Variants in FAT3 observed in about 807,000 individuals in gnomAD.
FAT3 encodes the protein FAT atypical cadherin 3, also known as protocadherin Fat 3.
A neutral mutation model predicts 310.2 loss-of-function variants in FAT3; 95 were observed. The ratio of observed to expected loss-of-function variants is 0.31; its 90% CI spans 0.26 to 0.36. FAT3 has a LOEUF of 0.36. Ranked by LOEUF, FAT3 falls within the 10% of genes least tolerant of loss-of-function variation. FAT3 has a pLI of 1.00. For synonymous variants in FAT3, 2,314 were observed against 2,192.9 expected (o/e 1.06, Z -1.54); for missense variants, 5,408 against 5,715.6 (o/e 0.95, Z 1.74).
intron 2 of FAT3, among the ~76,000 whole-genome samples, chr11:92,468,743 G>A (rs1951836611): frequency 6.6e-6 from 1 of 152,092 alleles, no homozygotes; most frequent in African/African-American, 2.4e-5. Context: ...GAGTGAAGGG[G>A]TGGGGAAACT....
intron 19 of FAT3, among the ~76,000 whole-genome samples, chr11:92,853,140 G>A (rs996320251): frequency 6.6e-6 from 1 of 152,226 alleles, no homozygotes; most frequent in Non-Finnish European, 1.5e-5. Flanking sequence ...AGTGAGGGGT[G>A]TGTGGGCCAC....
chr11:92,492,584 T>C (rs1591363181), intron 2 of FAT3, among the ~76,000 whole-genome samples: 1 of 152,028 alleles, frequency 6.6e-6, no homozygotes, highest in Admixed American at 6.6e-5. Flanking sequence ...CACTTTAATC[T>C]ATGGTTTGGA....
Position 92,524,135 on chromosome 11 carries a change from A to T in FAT3, c.3293-499A>T, listed in dbSNP as rs548650313. Among the ~76,000 whole-genome samples, 7 of 152,336 alleles carry T rather than the reference A, an allele frequency of 4.6e-5. No individual in the cohort carries two copies. In the South Asian group the frequency reaches 1.4e-3, roughly 32 times the overall value. The stretch of plus-strand genomic sequence containing the variant: ...AATATTTTCCACTCTAACAGGCAAA[A>T]AAAGAATATTTGAAAGGTTTTTCTT... On this transcript the variant is annotated intron_variant, in intron 2 of 27. Transcript: ENST00000525166.
At chr11:92,795,192 A>G (rs1360884704) in intron 9 of FAT3, among the ~76,000 whole-genome samples, 1 of 152,118 alleles carries the variant, frequency 6.6e-6, no homozygotes, top group Admixed American at 6.5e-5. Flanking sequence ...GGATTGTACA[A>G]GAGAGACTGG....
chr11:92,488,148 G>A (rs1952481706), intron 2 of FAT3, among the ~76,000 whole-genome samples: 1 of 152,154 alleles, frequency 6.6e-6, no homozygotes, highest in Non-Finnish European at 1.5e-5. Context: ...GCAAGGACCT[G>A]CAGGGCAGCC....
chr11:92,802,005 A>G (rs944235700), intron 10 of FAT3, 96 bp downstream of exon 10: 8 of 1,209,294 alleles, frequency 6.6e-6, no homozygotes, highest in Non-Finnish European at 9.3e-6. Context: ...AAGATGGGAT[A>G]AGGAGTCCAG....
chr11:92,669,297 C>T (rs77134486), intron 3 of FAT3, among the ~76,000 whole-genome samples: 1,669 of 152,306 alleles, frequency 0.011, 72 homozygotes, highest in East Asian at 0.11. Flanking sequence ...TTTGTGATCT[C>T]ACAAAGTCCC....
chr11:92,802,019 A>G, intron 10 of FAT3, 110 bp downstream of exon 10: 1 of 1,056,178 alleles, frequency 9.5e-7, no homozygotes, highest in Non-Finnish European at 1.4e-6. Flanking sequence ...AGTCCAGTGT[A>G]ATGAAGCCTC....
intron 17 of FAT3, among the ~76,000 whole-genome samples, chr11:92,839,552 G>C (rs143038916): frequency 6.6e-6 from 1 of 152,058 alleles, no homozygotes; most frequent in Non-Finnish European, 1.5e-5. Context: ...CCTGAATGAC[G>C]TTCTTATTTC....
At chr11:92,497,747 A>T (rs2135260459) in intron 2 of FAT3, among the ~76,000 whole-genome samples, 1 of 152,184 alleles carries the variant, frequency 6.6e-6, no homozygotes, top group Admixed American at 6.5e-5. Context: ...GTAAGGTCTC[A>T]CTTAAAAGCA....
intron 3 of FAT3, among the ~76,000 whole-genome samples, chr11:92,590,210 C>T (rs1939357349): frequency 6.6e-6 from 1 of 152,012 alleles, no homozygotes; most frequent in African/African-American, 2.4e-5. Context: ...AAGCAGTATA[C>T]TGTAGAAATA....
At chr11:92,421,264 T>C (rs1026814590) in intron 2 of FAT3, among the ~76,000 whole-genome samples, 3 of 152,266 alleles carry the variant, frequency 2.0e-5, no homozygotes, top group Admixed American at 6.5e-5. Flanking sequence ...AGTAGTTTCA[T>C]ATTGCTGAGA....
intron 3 of FAT3, among the ~76,000 whole-genome samples, chr11:92,640,961 C>G (rs560401654): frequency 5.0e-4 from 76 of 152,260 alleles, no homozygotes; most frequent in African/African-American, 1.7e-3. Context: ...AATCCCAGCA[C>G]TTTGGAAGGT....
chr11:92,712,817 C>CTTT (rs1161061591), intron 4 of FAT3, among the ~76,000 whole-genome samples: 1 of 152,192 alleles, frequency 6.6e-6, no homozygotes, highest in Non-Finnish European at 1.5e-5. Context: ...ATAAGGTTGC[C>CTTT]AGTTGGTAAC....
rs1337075520 is a variant in FAT3, at chr11:92,800,905, C to G, written c.7892C>G (p.Ala2631Gly). 32 of 1,612,862 alleles carry G rather than the reference C, an allele frequency of 2.0e-5. No individual in the cohort carries two copies. Among genetic ancestry groups the G allele is most frequent in the Middle Eastern group, 1.6e-4 (1 of 6,078 alleles). ...QVQAIDPDDG[A>G]NSRITYSLYS... Reference sequence around the variant, plus strand: ...CAAGCCATAGATCCCGATGATGGAGCAAATTCAAGGATTACTTATTCCCTC... The same window carrying G: ...CAAGCCATAGATCCCGATGATGGAGGAAATTCAAGGATTACTTATTCCCTC... The change falls in exon 10 of 28, where the codon GCA becomes GGA. Residue 2631 changes from alanine to glycine, a missense_variant. Transcript: ENST00000525166.
At chr11:92,338,690 G>T (rs12363932) in intron 1 of FAT3, among the ~76,000 whole-genome samples, 75 of 152,184 alleles carry the variant, frequency 4.9e-4, no homozygotes, top group Non-Finnish European at 8.5e-4. Flanking sequence ...GAATAAATGC[G>T]TCTGTAAAGA....
intron 2 of FAT3, among the ~76,000 whole-genome samples, chr11:92,473,334 CAG>C (rs1293775944): frequency 3.5e-5 from 3 of 86,264 alleles, no homozygotes; most frequent in Non-Finnish European, 7.1e-5. Flanking sequence ...TGGGGTTGTG[CAG>C]AGAGAGATGA....
chr11:92,305,668 G>A lies in FAT3; in HGVS notation c.-17-46428G>A, dbSNP rs537109899. Reference sequence around the variant, plus strand: ...AAAGAACATCACTTCTATGGTATTCGTCCCAAAATGCACACCACAAACTAA... The same window carrying A: ...AAAGAACATCACTTCTATGGTATTCATCCCAAAATGCACACCACAAACTAA... On this transcript the variant is annotated intron_variant, in intron 1 of 27. Transcript: ENST00000525166. Among the ~76,000 whole-genome samples the A allele has an allele frequency of 5.9e-5, 9 of 152,070 alleles. No individual in the cohort carries two copies. In the South Asian group the frequency reaches 1.0e-3, roughly 18 times the overall value.
chr11:92,242,482 C>T (rs1279895319), intron 1 of FAT3, among the ~76,000 whole-genome samples: 1 of 151,888 alleles, frequency 6.6e-6, no homozygotes, highest in African/African-American at 2.4e-5. Context: ...GATCTTTCAT[C>T]TCCTATGCTG....
Sources: gnomAD v4.1 joint callset for allele counts (sites outside exome capture counted in the v4.1 genomes callset) on GRCh38, gnomAD v4.1.1 for gene constraint, MANE v1.5 for transcripts, NCBI Gene and HGNC (gene_info 2026-07-23, HGNC 2026-07-21) for gene names.